The following HSF2BP variants were observed in gnomAD, a reference collection of about 807,000 sequenced individuals.
HSF2BP encodes heat shock factor 2-binding protein.
HSF2BP carries 35 observed loss-of-function variants against 35.0 expected under a neutral mutation model. The ratio of observed to expected loss-of-function variants is 1.00; its 90% confidence interval spans 0.76 to 1.32. The LOEUF is 1.32. Among genes scored for constraint, HSF2BP ranks in the 40% most tolerant of loss-of-function variants. HSF2BP has a pLI of 0.00. For missense variants in HSF2BP, 326 were observed against 321.7 expected, an observed-to-expected ratio of 1.01 and a Z score of -0.10; for synonymous variants, 114 against 117.4, an observed-to-expected ratio of 0.97 and a Z score of 0.18.
intron 4 of HSF2BP, among the ~76,000 whole-genome samples, chr21:43,636,265 A>C (rs918093527): frequency 5.0e-5 from 7 of 139,066 alleles, no homozygotes; most frequent in Non-Finnish European, 1.1e-4. Context: ...AAAGAAAAGA[A>C]AAGAAAAAAC....
intron 7 of HSF2BP, among the ~76,000 whole-genome samples, chr21:43,604,704 T>A (rs199833278): frequency 7.9e-6 from 1 of 126,190 alleles, no homozygotes. Context: ...CACACTGCAC[T>A]CACACGCATC....
chr21:43,611,456 A>G (rs2082203536), intron 7 of HSF2BP, among the ~76,000 whole-genome samples: 1 of 152,218 alleles, frequency 6.6e-6, no homozygotes, highest in Non-Finnish European at 1.5e-5. Flanking sequence ...TCTGAAAAGT[A>G]AACAGTAGCA....
chr21:43,612,698 A>ACAT (rs2082223453), intron 7 of HSF2BP, among the ~76,000 whole-genome samples: 1 of 149,266 alleles, frequency 6.7e-6, no homozygotes, highest in Non-Finnish European at 1.5e-5. Flanking sequence ...GGATGGTGGC[A>ACAT]CATGCCTGTA....
At chr21:43,634,964 ACC>A (rs1401771335) in intron 4 of HSF2BP, among the ~76,000 whole-genome samples, 1 of 152,146 alleles carries the variant, frequency 6.6e-6, no homozygotes, top group Non-Finnish European at 1.5e-5. Context: ...CTTCTGCACG[ACC>A]ACAAAAAGAC....
chr21:43,584,454 G>A (rs993593660), intron 8 of HSF2BP, among the ~76,000 whole-genome samples: 1 of 152,190 alleles, frequency 6.6e-6, no homozygotes, highest in African/African-American at 2.4e-5. Flanking sequence ...CAACTGACTG[G>A]ATGAGAGCCA....
intron 6 of HSF2BP, among the ~76,000 whole-genome samples, chr21:43,622,368 A>T (rs2082340284): frequency 6.6e-6 from 1 of 152,306 alleles, no homozygotes; most frequent in South Asian, 2.1e-4. Flanking sequence ...TTTTCTAATT[A>T]AAAGAAATAT....
At chr21:43,628,641 G>A (rs1200247991) in intron 6 of HSF2BP, among the ~76,000 whole-genome samples, 2 of 152,222 alleles carry the variant, frequency 1.3e-5, no homozygotes, top group African/African-American at 4.8e-5. Context: ...ACTGCCGAGG[G>A]TGGTTACACT....
At chr21:43,657,387 TAA>T (rs1366142295) in intron 2 of HSF2BP, among the ~76,000 whole-genome samples, 2 of 152,146 alleles carry the variant, frequency 1.3e-5, no homozygotes, top group African/African-American at 4.8e-5. Context: ...GCTCTATTCC[TAA>T]AAGTCAAAGA....
chr21:43,657,677 G>A (rs2082892383), intron 2 of HSF2BP, among the ~76,000 whole-genome samples: 1 of 152,262 alleles, frequency 6.6e-6, no homozygotes, highest in South Asian at 2.1e-4. Flanking sequence ...TTATAAAATC[G>A]ATGGAGGGCA....
intron 3 of HSF2BP, among the ~76,000 whole-genome samples, chr21:43,652,474 T>C (rs990679370): frequency 1.4e-5 from 2 of 142,774 alleles, no homozygotes; most frequent in African/African-American, 2.6e-5. Flanking sequence ...TACTGGACAA[T>C]AGGGCTAGTG....
chr21:43,628,706 T>C (rs1464849508), intron 6 of HSF2BP, among the ~76,000 whole-genome samples: 1 of 152,240 alleles, frequency 6.6e-6, no homozygotes, highest in Admixed American at 6.5e-5. Flanking sequence ...GAAGACGCCA[T>C]CTAGGACTTT....
At chr21:43,656,151 C>T (rs565528839) in intron 3 of HSF2BP, among the ~76,000 whole-genome samples, 3 of 152,316 alleles carry the variant, frequency 2.0e-5, no homozygotes, top group Non-Finnish European at 2.9e-5. Flanking sequence ...AAAGCCTAAA[C>T]TTCAATCAGT....
chr21:43,633,475 C>G (rs1020555667), intron 4 of HSF2BP, 54 bp from the exon 5 acceptor site: 18 of 1,361,998 alleles, frequency 1.3e-5, no homozygotes, highest in Non-Finnish European at 1.8e-5. Flanking sequence ...CTTGATATAT[C>G]TTTATTACAT....
intron 7 of HSF2BP, among the ~76,000 whole-genome samples, chr21:43,602,742 G>C (rs1173276357): frequency 1.3e-5 from 2 of 152,160 alleles, no homozygotes; most frequent in African/African-American, 2.4e-5. Flanking sequence ...AGTTACCTCA[G>C]CTTAGTAAAA....
At chr21:43,647,373 C>T (rs1305980034) in intron 3 of HSF2BP, among the ~76,000 whole-genome samples, 3 of 152,008 alleles carry the variant, frequency 2.0e-5, no homozygotes, top group African/African-American at 7.3e-5. Context: ...ACTACAGGCG[C>T]CTGCCACCAA....
chr21:43,626,591 G>A (rs1568923795), intron 6 of HSF2BP, among the ~76,000 whole-genome samples: 1 of 152,222 alleles, frequency 6.6e-6, no homozygotes, highest in Non-Finnish European at 1.5e-5. Context: ...CACTGGTCTT[G>A]TATGGAAAAT....
chr21:43,657,266 G>T (rs892481244), intron 2 of HSF2BP, among the ~76,000 whole-genome samples: 1 of 152,164 alleles, frequency 6.6e-6, no homozygotes, highest in African/African-American at 2.4e-5. Context: ...AGGCTGACAC[G>T]GGAAGAAGGC....
chr21:43,630,668 G>A (rs1015697318), intron 5 of HSF2BP, among the ~76,000 whole-genome samples: 3 of 152,284 alleles, frequency 2.0e-5, no homozygotes, highest in Middle Eastern at 6.8e-3. Flanking sequence ...CTCTTCACAC[G>A]CATAAATATG....
At position 43,658,255 on chromosome 21, in the gene HSF2BP, G is replaced by A. The variant is rs1461697877; in HGVS notation, c.-159C>T. The A allele has an allele frequency of 1.2e-6, 1 of 832,122 alleles. No homozygotes were observed. Among genetic ancestry groups the A allele is most frequent in the Non-Finnish European group, 1.8e-6 (1 of 559,816 alleles). The allele number at this position is 832,122 out of a possible 1,614,324, so 51.5% of individuals were successfully genotyped here. The stretch of plus-strand genomic sequence containing the variant: ...GCGCAGTATTCTCGGCCTAGAGAGC[G>A]AGGAGTGGCCTTGGCGAGGTCCCTC... On this transcript the variant is annotated 5_prime_UTR_variant, in exon 2 of 9. Transcript: ENST00000291560.
Sources: gnomAD v4.1 joint callset for allele counts (sites outside exome capture counted in the v4.1 genomes callset) on GRCh38, gnomAD v4.1.1 for gene constraint, MANE v1.5 for transcripts, NCBI Gene and HGNC (gene_info 2026-07-23, HGNC 2026-07-21) for gene names.